The following ZPBP variants were observed in gnomAD, a reference collection of about 807,000 sequenced individuals.
ZPBP encodes the protein zona pellucida-binding protein 1.
ZPBP carries 26 observed loss-of-function variants against 44.8 expected under a neutral mutation model. That is an observed-to-expected ratio of 0.58 (90% CI 0.43 to 0.81). ZPBP has a LOEUF of 0.81. Among genes scored for constraint, ZPBP ranks in the 30% least tolerant of loss-of-function variants. The probability of loss-of-function intolerance (pLI) is 0.00; values close to 1 mark genes in which losing one functional copy is unlikely to be tolerated. For missense variants in ZPBP, 409 were observed against 434.0 expected (o/e 0.94, Z 0.51); for synonymous variants, 174 against 153.2 (o/e 1.14, Z -1.00).
intron 2 of ZPBP, among the ~76,000 whole-genome samples, chr7:49,867,426 A>G (rs1275576625): frequency 6.6e-6 from 1 of 152,234 alleles, no homozygotes; most frequent in Non-Finnish European, 1.5e-5. Flanking sequence ...GAAGGAGTAC[A>G]GGTCAACTGA....
At chr7:49,943,352 C>A (rs1283859331) in intron 7 of ZPBP, 9 of 325,142 alleles carry the variant, frequency 2.8e-5, no homozygotes, top group Non-Finnish European at 5.3e-5. Context: ...CAAACCTGAA[C>A]AGTCAATGAA....
chr7:50,012,056 A>C (rs1415638805), intron 6 of ZPBP, among the ~76,000 whole-genome samples: 9 of 151,714 alleles, frequency 5.9e-5, no homozygotes, highest in Non-Finnish European at 1.5e-5. Context: ...AAAAAGAAGG[A>C]AATTAGAAAA....
At chr7:50,047,548 G>A (rs1800438955) in intron 4 of ZPBP, among the ~76,000 whole-genome samples, 1 of 151,678 alleles carries the variant, frequency 6.6e-6, no homozygotes, top group Non-Finnish European at 1.5e-5. Flanking sequence ...GGCCTCTGTG[G>A]AGAATAGCCT....
intron 2 of ZPBP, among the ~76,000 whole-genome samples, chr7:49,866,828 A>C (rs1790912314): frequency 6.6e-6 from 1 of 152,140 alleles, no homozygotes; most frequent in Non-Finnish European, 1.5e-5. Context: ...TTGGATCTAC[A>C]TTTGCTTCCT....
intron 6 of ZPBP, among the ~76,000 whole-genome samples, chr7:49,990,081 G>A (rs530276526): frequency 1.2e-3 from 183 of 152,246 alleles, no homozygotes; most frequent in Non-Finnish European, 1.8e-3. Flanking sequence ...TCAGGTCAAA[G>A]CCCTAGGAAA....
intron 2 of ZPBP, among the ~76,000 whole-genome samples, chr7:49,858,713 A>C (rs1487594191): frequency 6.6e-6 from 1 of 152,184 alleles, no homozygotes; most frequent in Admixed American, 6.5e-5. Flanking sequence ...AATAATAAAA[A>C]AAAGAAAGCT....
chr7:50,039,948 G>A (rs1458577286), intron 4 of ZPBP, among the ~76,000 whole-genome samples: 3 of 152,110 alleles, frequency 2.0e-5, no homozygotes, highest in Non-Finnish European at 4.4e-5. Context: ...AGGTTAATAT[G>A]TATGTAGCAA....
At chr7:49,997,474 G>A (rs1186951960) in intron 6 of ZPBP, among the ~76,000 whole-genome samples, 2 of 152,166 alleles carry the variant, frequency 1.3e-5, no homozygotes, top group Non-Finnish European at 2.9e-5. Flanking sequence ...TTATTTTGAA[G>A]TATGGCCACC....
chr7:49,854,108 C>T (rs1790315106), intron 2 of ZPBP, among the ~76,000 whole-genome samples: 1 of 152,090 alleles, frequency 6.6e-6, no homozygotes. Context: ...TTAATCCAGT[C>T]TATCATTGAT....
chr7:50,090,583 G>GTA (rs1330531770), intron 1 of ZPBP, among the ~76,000 whole-genome samples: 1 of 150,520 alleles, frequency 6.6e-6, no homozygotes, highest in East Asian at 1.9e-4. Flanking sequence ...ATATATTTGT[G>GTA]TATATATATG....
chr7:50,028,985 G>C (rs1297526781), intron 5 of ZPBP, among the ~76,000 whole-genome samples: 1 of 152,096 alleles, frequency 6.6e-6, no homozygotes, highest in African/African-American at 2.4e-5. Flanking sequence ...AGAAACGGAA[G>C]AGATGCTAAA....
intron 2 of ZPBP, among the ~76,000 whole-genome samples, chr7:50,084,562 T>C (rs1428196432): frequency 6.6e-6 from 1 of 151,930 alleles, no homozygotes; most frequent in Admixed American, 6.6e-5. Context: ...CACAGACAGA[T>C]GCCAAGACCT....
At chr7:50,077,015 T>C (rs952727760) in intron 3 of ZPBP, among the ~76,000 whole-genome samples, 7 of 151,922 alleles carry the variant, frequency 4.6e-5, no homozygotes, top group African/African-American at 1.7e-4. Context: ...AGAGCTATAC[T>C]AACCAAAACA....
At chr7:49,857,534 A>G (rs1790475276) in intron 2 of ZPBP, among the ~76,000 whole-genome samples, 1 of 152,250 alleles carries the variant, frequency 6.6e-6, no homozygotes, top group African/African-American at 2.4e-5. Context: ...GATGGCCGAC[A>G]GGTAGAAGAA....
intron 7 of ZPBP, among the ~76,000 whole-genome samples, chr7:49,941,351 G>A (rs1474820277): frequency 1.3e-5 from 2 of 152,098 alleles, no homozygotes; most frequent in African/African-American, 4.8e-5. Context: ...ATGCACCCAT[G>A]TCCATTGTCA....
intron 7 of ZPBP, among the ~76,000 whole-genome samples, chr7:49,958,072 T>A (rs1255665941): frequency 6.6e-6 from 1 of 152,224 alleles, no homozygotes; most frequent in Non-Finnish European, 1.5e-5. Flanking sequence ...ATCCCTTTCT[T>A]CTTGCCTATT....
intron 2 of ZPBP, among the ~76,000 whole-genome samples, chr7:49,859,977 C>G (rs1342362562): frequency 1.3e-5 from 2 of 151,464 alleles, no homozygotes; most frequent in African/African-American, 4.8e-5. Flanking sequence ...TAAATATATA[C>G]TTATATTTAT....
intron 6 of ZPBP, among the ~76,000 whole-genome samples, chr7:50,013,273 T>C (rs900034992): frequency 6.6e-6 from 1 of 151,792 alleles, no homozygotes; most frequent in Non-Finnish European, 1.5e-5. Context: ...AAAAGAGAAA[T>C]ATAAAAACCT....
chr7:49,935,233 A>T (rs895533154), downstream of ZPBP, among the ~76,000 whole-genome samples: 1 of 152,216 alleles, frequency 6.6e-6, no homozygotes, highest in African/African-American at 2.4e-5. Context: ...TGAAGCTAGG[A>T]GTATCCTAGT....
Sources: allele counts gnomAD v4.1 joint callset (sites outside exome capture counted in the v4.1 genomes callset), GRCh38; gene constraint gnomAD v4.1.1; transcripts MANE v1.5; gene names NCBI Gene and HGNC (gene_info 2026-07-23, HGNC 2026-07-21).